PRICKLE2: variants seen among roughly 807,000 people sequenced by gnomAD.
PRICKLE2 encodes prickle-like protein 2.
Under a neutral mutation model 81.4 loss-of-function variants are expected in PRICKLE2, and 21 were observed. That is an observed-to-expected ratio of 0.26 (90% confidence interval 0.18 to 0.37). The LOEUF (loss-of-function observed/expected upper bound fraction) is 0.37, where lower values mean the gene tolerates loss of function less well. Ranked by LOEUF, PRICKLE2 falls within the 10% of genes least tolerant of loss-of-function variation. The pLI is 1.00. For synonymous variants in PRICKLE2, 456 were observed against 421.5 expected (o/e 1.08, Z -1.00); for missense variants, 940 against 1,109.0 (o/e 0.85, Z 2.16).
chr3:64,149,566 T>C (rs1469474482), intron 6 of PRICKLE2, among the ~76,000 whole-genome samples: 3 of 152,174 alleles, frequency 2.0e-5, no homozygotes, highest in African/African-American at 4.8e-5. Context: ...TGCGTAATGA[T>C]ACACGGCTTC....
At chr3:64,119,827 C>G (rs1444390875) in intron 7 of PRICKLE2, among the ~76,000 whole-genome samples, 1 of 152,138 alleles carries the variant, frequency 6.6e-6, no homozygotes, top group Admixed American at 6.5e-5. Flanking sequence ...CAATGGTGGA[C>G]TGGATAAAGA....
At chr3:64,139,561 A>G (rs983307408) in intron 7 of PRICKLE2, among the ~76,000 whole-genome samples, 17 of 152,124 alleles carry the variant, frequency 1.1e-4, no homozygotes, top group African/African-American at 4.1e-4. Flanking sequence ...CCCTTTTCCA[A>G]TCAATTCCCC....
intron 2 of PRICKLE2, among the ~76,000 whole-genome samples, chr3:64,243,534 T>C (rs919055554): frequency 6.6e-6 from 1 of 152,226 alleles, no homozygotes; most frequent in Non-Finnish European, 1.5e-5. Flanking sequence ...ACACAGATTC[T>C]GGTATCAGTC....
At chr3:64,251,237 G>C (rs1240175112) in intron 2 of PRICKLE2, among the ~76,000 whole-genome samples, 1 of 152,192 alleles carries the variant, frequency 6.6e-6, no homozygotes, top group African/African-American at 2.4e-5. Context: ...AACATTTAAA[G>C]ATGAGTCAAA....
intron 7 of PRICKLE2, among the ~76,000 whole-genome samples, chr3:64,108,890 G>A (rs1353284199): frequency 3.3e-5 from 5 of 152,118 alleles, no homozygotes; most frequent in Non-Finnish European, 5.9e-5. Context: ...GTGCACTTCA[G>A]GATGTTCAGC....
At chr3:64,188,208 T>C (rs539324006) in intron 2 of PRICKLE2, among the ~76,000 whole-genome samples, 123 of 152,330 alleles carry the variant, frequency 8.1e-4, no homozygotes, top group African/African-American at 2.7e-3. Flanking sequence ...CTAGGATCCT[T>C]ACAAAGATGA....
In PRICKLE2 at chr3:64,198,850, T is replaced by G. The variant is rs1314441534; in HGVS notation, c.78A>C (p.Ser26=). The change falls in exon 2 of 8, where the codon TCA becomes TCC. Residue 26 remains serine (S), a synonymous_variant. Coordinates refer to ENST00000638394, the MANE Select transcript of PRICKLE2 (RefSeq NM_198859.4). ...CCAAAGCACAGCCTGAGTCATCATC[T>G]GAGGTCGAGTTCCTCTGAAAGTCAA... The part of the protein sequence containing the change: ...LMFDFQRNST[S]DDDSGCALEE... 1.2e-6 allele frequency: 2 copies of G among 1,614,064 alleles called. No individual in the cohort carries two copies. The highest frequency in any genetic ancestry group is 1.7e-6 in the Non-Finnish European group (2 of 1,180,028).
Position 64,098,893 on chromosome 3 carries a change from T to C in PRICKLE2, c.*158A>G. 1.3e-6 allele frequency: 1 copy of C among 761,120 alleles called. No individual in the cohort carries two copies. The highest frequency in any genetic ancestry group is 2.3e-6 in the Non-Finnish European group (1 of 442,228). 47.1% of individuals were successfully genotyped at this position (761,120 alleles called of 1,614,324 possible). On this transcript the variant is annotated 3_prime_UTR_variant, in exon 8 of 8. Transcript: ENST00000638394. ...ACATGCCAAGAACTGTGACTACCTATTGAGTCAACCTGTAACCTTGCCTCC... is the reference window on the plus strand; with the variant it reads ...ACATGCCAAGAACTGTGACTACCTACTGAGTCAACCTGTAACCTTGCCTCC...
At chr3:64,161,042 C>A (rs1396815830) in intron 3 of PRICKLE2, among the ~76,000 whole-genome samples, 1 of 152,194 alleles carries the variant, frequency 6.6e-6, no homozygotes, top group Non-Finnish European at 1.5e-5. Flanking sequence ...TAGATTCTAG[C>A]TGGTCACTTT....
At chr3:64,124,704 G>A (rs1193830250) in intron 7 of PRICKLE2, among the ~76,000 whole-genome samples, 3 of 152,152 alleles carry the variant, frequency 2.0e-5, no homozygotes, top group African/African-American at 7.2e-5. Flanking sequence ...TTATAGCATG[G>A]CTTACTGAAT....
upstream of PRICKLE2, among the ~76,000 whole-genome samples, chr3:64,230,022 C>T (rs1040101376): frequency 2.6e-5 from 4 of 152,198 alleles, no homozygotes; most frequent in African/African-American, 9.6e-5. Context: ...TACTCTGCTT[C>T]CTTCTTGTGC....
rs1199784098 is a variant in PRICKLE2 at position 64,177,332 on chromosome 3, TCA to T, written c.145-14205_145-14204del. 1.6e-4 allele frequency among the ~76,000 whole-genome samples: 25 copies of T among 151,908 alleles called. 1 individual carries two copies. The highest frequency in any genetic ancestry group is 1.6e-3 in the Admixed American group (25 of 15,244). On this transcript the variant is annotated intron_variant, in intron 2 of 7. Coordinates refer to ENST00000638394, the MANE Select transcript of PRICKLE2 (RefSeq NM_198859.4). ...TTGTATTTTTAATAGAGACAGGGTC[TCA>T]CCATGTTGGCCAGGCTGGTCTCGAA...
At chr3:64,143,714 G>A (rs974285610) in intron 7 of PRICKLE2, among the ~76,000 whole-genome samples, 8 of 152,182 alleles carry the variant, frequency 5.3e-5, no homozygotes, top group Non-Finnish European at 1.2e-4. Context: ...TTAGGGGGAG[G>A]CCCAGGAGCC....
intron 1 of PRICKLE2, among the ~76,000 whole-genome samples, chr3:64,224,182 A>G (rs1157665290): frequency 6.6e-6 from 1 of 152,170 alleles, no homozygotes; most frequent in African/African-American, 2.4e-5. Context: ...ATTATTTATG[A>G]TTCATAAAAG....
chr3:64,190,466 A>G (rs2078312738), intron 2 of PRICKLE2: 1 of 152,144 alleles, frequency 6.6e-6, no homozygotes, highest in Non-Finnish European at 1.5e-5. Flanking sequence ...TTTACTCTTC[A>G]CATAACTACA....
chr3:64,113,170 G>T (rs2076877460), intron 7 of PRICKLE2, among the ~76,000 whole-genome samples: 1 of 152,196 alleles, frequency 6.6e-6, no homozygotes, highest in South Asian at 2.1e-4. Context: ...GGAAGTGTTG[G>T]GGCAACAAGC....
chr3:64,254,717 C>CATT (rs2079499789), intron 2 of PRICKLE2, among the ~76,000 whole-genome samples: 1 of 152,212 alleles, frequency 6.6e-6, no homozygotes, highest in Admixed American at 6.5e-5. Context: ...CAAAATTAAT[C>CATT]ATTCCTTCTG....
chr3:64,207,620 A>G (rs1347403128), intron 1 of PRICKLE2, among the ~76,000 whole-genome samples: 2 of 152,204 alleles, frequency 1.3e-5, no homozygotes, highest in African/African-American at 4.8e-5. Context: ...GGTGCCCTGC[A>G]GCAGGATCAA....
intron 7 of PRICKLE2, among the ~76,000 whole-genome samples, chr3:64,110,422 G>A (rs2076824655): frequency 6.6e-6 from 1 of 152,164 alleles, no homozygotes. Flanking sequence ...GCACAACTGT[G>A]AACAAGGCCC....
Sources: gnomAD v4.1 joint callset for allele counts (sites outside exome capture counted in the v4.1 genomes callset) on GRCh38, gnomAD v4.1.1 for gene constraint, MANE v1.5 for transcripts, NCBI Gene and HGNC (gene_info 2026-07-23, HGNC 2026-07-21) for gene names.